TRAK2: variants seen among roughly 807,000 people sequenced by gnomAD.
TRAK2 encodes the protein trafficking kinesin protein 2.
TRAK2 carries 81 observed loss-of-function variants against 104.6 expected under a neutral mutation model. The observed-to-expected ratio is 0.77, with a 90% CI of 0.65 to 0.93. TRAK2 has a LOEUF of 0.93. TRAK2 is among the 40% of genes least tolerant of loss of function. The probability of loss-of-function intolerance (pLI) is 0.00; values close to 1 mark genes in which losing one functional copy is unlikely to be tolerated. For synonymous variants in TRAK2, 406 were observed against 394.4 expected (o/e 1.03, Z -0.35); for missense variants, 1,002 against 1,089.0 (o/e 0.92, Z 1.12).
chr2:201,399,264 A>G, intron 5 of TRAK2, 113 bp downstream of exon 5: 1 of 648,638 alleles, frequency 1.5e-6, no homozygotes, highest in Admixed American at 2.4e-5. Flanking sequence ...AAAGTGAACA[A>G]GTACTGGTGT....
Position 201,387,978 on chromosome 2 carries a change from G to A in TRAK2, c.1421C>T (p.Pro474Leu), listed in dbSNP as rs1951407825. Residue 474 changes from proline (P) to leucine (L), a missense_variant, in exon 13 of 16, where the codon CCA (proline) becomes CTA (leucine). Transcript: ENST00000332624. ...VAGSSQKMGQ[P>L]GPSGDSDLAT... is the part of the protein sequence containing the mutation. ...CAAATCACTATCTCCTGAGGGTCCT[G>A]GTTGGCCCATCTTCTGGGAGCTCCT... 1.2e-6 allele frequency: 2 copies of A among 1,613,934 alleles called. No homozygotes were observed. Among genetic ancestry groups the A allele is most frequent in the Admixed American group, 1.7e-5 (1 of 59,992 alleles).
chr2:201,421,269 GA>G (rs1951738559), intron 1 of TRAK2, among the ~76,000 whole-genome samples: 1 of 152,126 alleles, frequency 6.6e-6, no homozygotes, highest in African/African-American at 2.4e-5. Flanking sequence ...TATTACACAT[GA>G]AACAGTAACA....
Position 201,381,077 on chromosome 2 carries a change from G to A in TRAK2, c.2211C>T (p.Ser737=). The A allele has an allele frequency of 6.2e-7, 1 of 1,614,066 alleles. No homozygotes were observed. Among genetic ancestry groups the A allele is most frequent in the Non-Finnish European group, 8.5e-7 (1 of 1,179,984 alleles). The change falls in exon 16 of 16, where the codon AGC becomes AGT. Residue 737 remains serine (S), a synonymous_variant. Coordinates refer to ENST00000332624, the MANE Select transcript of TRAK2 (RefSeq NM_015049.3). Reference sequence around the variant, plus strand: ...GTAGAAGTTTGGCCAAGCTCATGGTGCTACTGAAGGTTGTAGTGGAATCTC... The same window carrying A: ...GTAGAAGTTTGGCCAAGCTCATGGTACTACTGAAGGTTGTAGTGGAATCTC... ...NRRDSTTTFS[S]TMSLAKLLQE...
At position 201,399,415 on chromosome 2, in the gene TRAK2, C is replaced by T. The variant is rs763706259; in HGVS notation, c.442G>A (p.Glu148Lys). Residue 148 changes from glutamate (E) to lysine (K), a missense_variant, in exon 5 of 16, where the codon GAA becomes AAA. By Grantham distance (56) the Glu-to-Lys change is moderately conservative. Coordinates refer to ENST00000332624, the MANE Select transcript of TRAK2 (RefSeq NM_015049.3). ...KRNHVLSEQN[E>K]SLEEQLGQAF... ...TGTCCCAATTGCTCCTCCAGGGATT[C>T]GTTCTGCTCAGATAAGACATGGTTC... 8 of 1,611,934 alleles carry T rather than the reference C, an allele frequency of 5.0e-6. No individual in the cohort carries two copies. Among genetic ancestry groups the T allele is most frequent in the Non-Finnish European group, 6.8e-6 (8 of 1,178,534 alleles).
intron 5 of TRAK2, 112 bp downstream of exon 5, chr2:201,399,265 G>A: frequency 4.5e-6 from 3 of 665,002 alleles, no homozygotes; most frequent in Non-Finnish European, 8.0e-6. Flanking sequence ...AAGTGAACAA[G>A]TACTGGTGTT....
intron 1 of TRAK2, among the ~76,000 whole-genome samples, chr2:201,427,177 T>C (rs938554387): frequency 3.9e-5 from 6 of 152,118 alleles, no homozygotes; most frequent in Admixed American, 6.6e-5. Context: ...ATGTCTTCTG[T>C]CTAATATTTC....
At chr2:201,383,848 G>A (rs191253593) in intron 15 of TRAK2, among the ~76,000 whole-genome samples, 378 of 152,158 alleles carry the variant, frequency 2.5e-3, no homozygotes, top group African/African-American at 8.1e-3. Context: ...CCCCAGCTGC[G>A]TTATTTATTA....
chr2:201,403,435 A>T (rs1951566248), intron 3 of TRAK2, among the ~76,000 whole-genome samples: 1 of 152,166 alleles, frequency 6.6e-6, no homozygotes, highest in Admixed American at 6.5e-5. Flanking sequence ...ATGATGTAAG[A>T]GTCCAGTAAT....
intron 15 of TRAK2, among the ~76,000 whole-genome samples, chr2:201,383,582 C>A (rs1047609415): frequency 6.6e-6 from 1 of 152,290 alleles, no homozygotes; most frequent in Middle Eastern, 3.4e-3. Context: ...CCTAAGGACA[C>A]GTGTAGAATT....
At position 201,407,456 on chromosome 2, in the gene TRAK2, T is replaced by C. The variant is rs774514495; in HGVS notation, c.233A>G (p.His78Arg). The change falls in exon 3 of 16, where the codon CAT becomes CGT. Residue 78 changes from histidine to arginine, a missense_variant. His to Arg is a conservative substitution (Grantham distance 29, BLOSUM62 0). Coordinates refer to ENST00000332624, the MANE Select transcript of TRAK2 (RefSeq NM_015049.3). ...GACTGGAGAGAGAGCATCAGATGCA[T>C]GCTGCCGCTGGTGTGGAGACTGAGT... ...DWTQSPHQRQ[H>R]ASDALSPVLA... is the part of the protein sequence containing the mutation. The C allele has an allele frequency of 1.4e-5, 22 of 1,614,028 alleles. No homozygotes were observed. The highest frequency in any genetic ancestry group is 1.8e-5 in the Non-Finnish European group (21 of 1,179,984).
At chr2:201,449,485 T>A (rs940177084) in intron 1 of TRAK2, among the ~76,000 whole-genome samples, 9 of 148,024 alleles carry the variant, frequency 6.1e-5, no homozygotes, top group African/African-American at 2.2e-4. Context: ...TGGTTCTTTT[T>A]TTTTTTTTTT....
Position 201,385,122 on chromosome 2 carries a change from T to C in TRAK2, c.1964-906A>G, listed in dbSNP as rs1951377183. Among the ~76,000 whole-genome samples the C allele has an allele frequency of 2.0e-5, 3 of 152,198 alleles. No homozygotes were observed. In the South Asian group the frequency reaches 6.2e-4, roughly 31 times the overall value. ...GTTTTGGAAAACTCGTATCCACCACTGAAAGCATGAACATCCTTGAAGACT... is the reference window on the plus strand; with the variant it reads ...GTTTTGGAAAACTCGTATCCACCACCGAAAGCATGAACATCCTTGAAGACT... On this transcript the variant is annotated intron_variant, in intron 14 of 15. Coordinates refer to ENST00000332624, the MANE Select transcript of TRAK2 (RefSeq NM_015049.3).
intron 1 of TRAK2, among the ~76,000 whole-genome samples, chr2:201,435,583 A>G (rs554466864): frequency 2.0e-5 from 3 of 152,338 alleles, no homozygotes; most frequent in African/African-American, 7.2e-5. Flanking sequence ...AAATATTTGA[A>G]AGTTAGATTA....
chr2:201,391,948 G>A (rs922763506), intron 10 of TRAK2, among the ~76,000 whole-genome samples: 1 of 152,130 alleles, frequency 6.6e-6, no homozygotes, highest in African/African-American at 2.4e-5. Flanking sequence ...AAATTTGAAT[G>A]GGCTCTGTGG....
intron 1 of TRAK2, among the ~76,000 whole-genome samples, chr2:201,430,707 A>G (rs1951834932): frequency 6.6e-6 from 1 of 152,072 alleles, no homozygotes; most frequent in South Asian, 2.1e-4. Context: ...GAGTGTCCCG[A>G]TTTTCCAGGT....
chr2:201,413,329 A>T, intron 2 of TRAK2: 1 of 1,097,842 alleles, frequency 9.1e-7, no homozygotes, highest in Non-Finnish European at 1.3e-6. Context: ...TTGGGTAGTT[A>T]TAGTTACCTT....
At chr2:201,414,978 CTAAA>C (rs1951679689) in intron 2 of TRAK2, among the ~76,000 whole-genome samples, 2 of 47,638 alleles carry the variant, frequency 4.2e-5, no homozygotes, top group East Asian at 1.3e-3. Context: ...GTAGATTAAG[CTAAA>C]TATTCTTTAG....
chr2:201,425,593 G>A (rs1007518793), intron 1 of TRAK2, among the ~76,000 whole-genome samples: 1 of 152,012 alleles, frequency 6.6e-6, no homozygotes, highest in East Asian at 1.9e-4. Context: ...TAGAGATGGG[G>A]TTTCACCATG....
chr2:201,425,097 A>G (rs1174644233), intron 1 of TRAK2, among the ~76,000 whole-genome samples: 2 of 152,252 alleles, frequency 1.3e-5, no homozygotes, highest in Non-Finnish European at 2.9e-5. Flanking sequence ...TCATGCTACA[A>G]CAGCAGAGCT....
Sources: gnomAD v4.1 joint callset for allele counts (sites outside exome capture counted in the v4.1 genomes callset) on GRCh38, gnomAD v4.1.1 for gene constraint, MANE v1.5 for transcripts, NCBI Gene and HGNC (gene_info 2026-07-23, HGNC 2026-07-21) for gene names.